The following ZNF146 variants were observed in gnomAD, a reference collection of about 807,000 sequenced individuals.
ZNF146 encodes zinc finger protein 146.
Under a neutral mutation model 22.2 loss-of-function variants are expected in ZNF146, and 9 were observed. That is an observed-to-expected ratio of 0.41 (90% CI 0.24 to 0.71). The LOEUF is 0.71. Among genes scored for constraint, ZNF146 ranks in the 30% least tolerant of loss-of-function variants. The pLI, the probability that ZNF146 is intolerant of heterozygous loss-of-function variation, is 0.34. For synonymous variants in ZNF146, 108 were observed against 119.2 expected (o/e 0.91, Z 0.61); for missense variants, 194 against 344.8 (o/e 0.56, Z 3.46).
intron 3 of ZNF146, among the ~76,000 whole-genome samples, chr19:36,233,291 A>T (rs1599991558): frequency 6.6e-6 from 1 of 152,234 alleles, no homozygotes; most frequent in East Asian, 1.9e-4. Flanking sequence ...AGGCTTCAAG[A>T]ATCACTTGAA....
chr19:36,230,425 T>C (rs1416118957), intron 3 of ZNF146, among the ~76,000 whole-genome samples: 2 of 152,134 alleles, frequency 1.3e-5, no homozygotes, highest in African/African-American at 2.4e-5. Flanking sequence ...TACTATCAGA[T>C]AGTGATAAGT....
At chr19:36,218,967 T>C (rs1454853962) in intron 2 of ZNF146, among the ~76,000 whole-genome samples, 3 of 150,126 alleles carry the variant, frequency 2.0e-5, no homozygotes, top group African/African-American at 7.4e-5. Flanking sequence ...CACCACCACG[T>C]CCGGCTAATT....
chr19:36,232,709 A>G (rs1351650587), intron 3 of ZNF146, among the ~76,000 whole-genome samples: 2 of 151,448 alleles, frequency 1.3e-5, no homozygotes, highest in Non-Finnish European at 2.9e-5. Context: ...CCCGGTTTCA[A>G]GTGATTCTCC....
At chr19:36,234,511 A>G (rs1977559771) in intron 3 of ZNF146, among the ~76,000 whole-genome samples, 1 of 152,172 alleles carries the variant, frequency 6.6e-6, no homozygotes, top group South Asian at 2.1e-4. Context: ...AAATTACAGA[A>G]TGTAATCAGG....
intron 1 of ZNF146, among the ~76,000 whole-genome samples, chr19:36,217,885 CAAA>C (rs10590776): frequency 0.048 from 6,444 of 133,232 alleles, 391 homozygotes; most frequent in African/African-American, 0.15. Context: ...AACTCCATCT[CAAA>C]AAAAAAAAAA....
At chr19:36,226,267 C>T (rs1039280764) in intron 2 of ZNF146, among the ~76,000 whole-genome samples, 1 of 152,214 alleles carries the variant, frequency 6.6e-6, no homozygotes, top group Admixed American at 6.5e-5. Flanking sequence ...CTGCAAGTTG[C>T]TTCCAGCCAA....
chr19:36,218,332 A>G (rs1387043239), intron 2 of ZNF146, 137 bp downstream of exon 2: 1 of 152,114 alleles, frequency 6.6e-6, no homozygotes, highest in Non-Finnish European at 1.5e-5. Flanking sequence ...AGTGTGTAGT[A>G]AGTACTTGAT....
Position 36,220,366 on chromosome 19 carries a change from A to T in ZNF146, c.-855+2171A>T, listed in dbSNP as rs1032158037. Reference sequence around the variant, plus strand: ...AGCTCCTAGTTCTTTTTTTTAATTTAATTTTATTTTATTTTTGAGACGGAG... The same window carrying T: ...AGCTCCTAGTTCTTTTTTTTAATTTTATTTTATTTTATTTTTGAGACGGAG... On this transcript the variant is annotated intron_variant, in intron 2 of 3. Transcript: ENST00000443387. Among the ~76,000 whole-genome samples the T allele has an allele frequency of 1.4e-4, 16 of 114,420 alleles. 1 individual carries two copies. Among genetic ancestry groups the T allele is most frequent in the African/African-American group, 3.7e-4 (14 of 37,910 alleles). The allele number at this position is 114,420 out of a possible 152,430, so 75.1% of individuals were successfully genotyped here.
At chr19:36,221,923 CTTTCTT>C (rs1411779902) in intron 2 of ZNF146, among the ~76,000 whole-genome samples, 5 of 118,328 alleles carry the variant, frequency 4.2e-5, no homozygotes, top group African/African-American at 1.5e-4. Context: ...TTCCTTTTTT[CTTTCTT>C]TTTTTTTTTT....
At chr19:36,234,440 A>G (rs1042553780) in intron 3 of ZNF146, among the ~76,000 whole-genome samples, 2 of 152,180 alleles carry the variant, frequency 1.3e-5, no homozygotes, top group Admixed American at 6.5e-5. Flanking sequence ...CTAATATTAG[A>G]CTACCCAGTC....
chr19:36,232,704 T>C (rs1977439881), intron 3 of ZNF146, among the ~76,000 whole-genome samples: 1 of 151,220 alleles, frequency 6.6e-6, no homozygotes, highest in African/African-American at 2.4e-5. Flanking sequence ...CACCTCCCGG[T>C]TTCAAGTGAT....
At chr19:36,220,641 C>T (rs1025293452) in intron 2 of ZNF146, among the ~76,000 whole-genome samples, 7 of 152,146 alleles carry the variant, frequency 4.6e-5, no homozygotes, top group African/African-American at 1.7e-4. Flanking sequence ...GCTGGGATTA[C>T]AGGCGTGAGC....
intron 3 of ZNF146, among the ~76,000 whole-genome samples, chr19:36,230,664 T>C (rs1977301170): frequency 6.6e-6 from 1 of 152,030 alleles, no homozygotes; most frequent in South Asian, 2.1e-4. Context: ...CAGAGAATAG[T>C]GATCAGGGCC....
At chr19:36,216,150 CAGTT>C (rs1272591374) in intron 1 of ZNF146, among the ~76,000 whole-genome samples, 1 of 152,092 alleles carries the variant, frequency 6.6e-6, no homozygotes, top group Non-Finnish European at 1.5e-5. Context: ...TTACAAATAT[CAGTT>C]AGAATACATA....
chr19:36,220,705 A>G (rs1007587913), intron 2 of ZNF146, among the ~76,000 whole-genome samples: 2 of 152,144 alleles, frequency 1.3e-5, no homozygotes, highest in African/African-American at 4.8e-5. Context: ...GAAACAAGTT[A>G]TAAGTACTTA....
chr19:36,219,366 T>A (rs975887299), intron 2 of ZNF146, among the ~76,000 whole-genome samples: 1 of 152,172 alleles, frequency 6.6e-6, no homozygotes, highest in Admixed American at 6.5e-5. Flanking sequence ...AGTCTTACTA[T>A]GTTGCCCAGG....
chr19:36,223,522 C>G (rs1297227223), intron 2 of ZNF146, among the ~76,000 whole-genome samples: 1 of 151,858 alleles, frequency 6.6e-6, no homozygotes, highest in African/African-American at 2.4e-5. Flanking sequence ...GCCACCACGC[C>G]TGGTTAATTT....
chr19:36,233,556 G>A (rs75748054), intron 3 of ZNF146, among the ~76,000 whole-genome samples: 1 of 152,002 alleles, frequency 6.6e-6, no homozygotes, highest in Admixed American at 6.6e-5. Flanking sequence ...GATCATTATC[G>A]GGCGTTTCTC....
At chr19:36,222,475 GT>G (rs1976888703) in intron 2 of ZNF146, among the ~76,000 whole-genome samples, 1 of 152,158 alleles carries the variant, frequency 6.6e-6, no homozygotes, top group Non-Finnish European at 1.5e-5. Flanking sequence ...TGCCCAGTGG[GT>G]AAGTACTTAC....
Sources: allele counts gnomAD v4.1 joint callset (sites outside exome capture counted in the v4.1 genomes callset), GRCh38; gene constraint gnomAD v4.1.1; transcripts MANE v1.5; gene names NCBI Gene and HGNC (gene_info 2026-07-23, HGNC 2026-07-21).